FGF12: variants seen among roughly 807,000 people sequenced by gnomAD.
FGF12 encodes the protein fibroblast growth factor 12.
Under a neutral mutation model 23.6 loss-of-function variants are expected in FGF12, and 14 were observed. That is an observed-to-expected ratio of 0.59 (90% CI 0.39 to 0.93). FGF12 has a LOEUF of 0.93. Among genes scored for constraint, FGF12 ranks in the 40% least tolerant of loss-of-function variants. The probability of loss-of-function intolerance (pLI) is 0.00; values close to 1 mark genes in which losing one functional copy is unlikely to be tolerated. For missense variants in FGF12, 175 were observed against 217.8 expected, an observed-to-expected ratio of 0.80 and a Z score of 1.24; for synonymous variants, 62 against 77.3, an observed-to-expected ratio of 0.80 and a Z score of 1.04.
chr3:192,571,503 G>A (rs530408406), intron 2 of FGF12, among the ~76,000 whole-genome samples: 2 of 152,352 alleles, frequency 1.3e-5, no homozygotes, highest in Admixed American at 1.3e-4. Flanking sequence ...GTGCCACGGG[G>A]CGGACGGGAC....
chr3:192,418,621 T>G (rs1721427112), intron 2 of FGF12, among the ~76,000 whole-genome samples: 1 of 152,072 alleles, frequency 6.6e-6, no homozygotes, highest in East Asian at 1.9e-4. Flanking sequence ...AGGCGCCAGG[T>G]TGGAGGTGAT....
intron 4 of FGF12, among the ~76,000 whole-genome samples, chr3:192,226,452 C>T (rs887412962): frequency 1.3e-5 from 2 of 152,060 alleles, no homozygotes; most frequent in African/African-American, 4.8e-5. Context: ...GTTGCAAAGA[C>T]AACATAAAAT....
intron 4 of FGF12, among the ~76,000 whole-genome samples, chr3:192,276,316 A>T (rs1713782410): frequency 6.6e-6 from 1 of 152,172 alleles, no homozygotes; most frequent in African/African-American, 2.4e-5. Context: ...AACAACCTAG[A>T]TGAAGTCTAG....
At chr3:192,694,876 T>C (rs186659028) in intron 2 of FGF12, among the ~76,000 whole-genome samples, 1 of 151,680 alleles carries the variant, frequency 6.6e-6, no homozygotes, top group East Asian at 1.9e-4. Flanking sequence ...AGTTGGAAGG[T>C]GGGGAGAAAT....
intron 2 of FGF12, among the ~76,000 whole-genome samples, chr3:192,410,276 C>A (rs934023152): frequency 6.6e-6 from 1 of 152,148 alleles, no homozygotes; most frequent in Admixed American, 6.5e-5. Context: ...CCTCCCGCCA[C>A]CCCTCTCCCT....
intron 4 of FGF12, among the ~76,000 whole-genome samples, chr3:192,266,825 T>C (rs879372117): frequency 5.4e-5 from 8 of 148,124 alleles, no homozygotes; most frequent in Admixed American, 2.0e-4. Context: ...CACACACACA[T>C]ACACTACCTC....
chr3:192,484,719 C>T (rs1196608378), intron 2 of FGF12, among the ~76,000 whole-genome samples: 1 of 152,182 alleles, frequency 6.6e-6, no homozygotes, highest in African/African-American at 2.4e-5. Context: ...GACAGGCCCA[C>T]ATTGCACAGG....
Position 192,167,770 on chromosome 3 carries a change from AAATT to A in FGF12, c.427+2684_427+2687del, listed in dbSNP as rs1175502685. Among the ~76,000 whole-genome samples the A allele has an allele frequency of 3.3e-4, 3 of 9,106 alleles. 1 individual carries two copies. Among genetic ancestry groups the A allele is most frequent in the African/African-American group, 1.1e-3 (3 of 2,686 alleles). 6.0% of individuals were successfully genotyped at this position (9,106 alleles called of 152,430 possible). ...ATATATATATATATATATATATATA[AAATT>A]TTTTTTTTTTTTTTTTTTTGAGAAA... is the stretch of plus-strand genomic sequence containing the variant. On this transcript the variant is annotated intron_variant, in intron 5 of 5. Transcript: ENST00000445105.
intron 2 of FGF12, among the ~76,000 whole-genome samples, chr3:192,550,209 A>T (rs1389766247): frequency 7.2e-6 from 1 of 138,428 alleles, no homozygotes; most frequent in East Asian, 2.0e-4. Context: ...TGTATCAGAG[A>T]CCATACACAT....
chr3:192,522,013 A>G (rs1172625764), intron 2 of FGF12, among the ~76,000 whole-genome samples: 2 of 152,164 alleles, frequency 1.3e-5, no homozygotes, highest in East Asian at 1.9e-4. Flanking sequence ...CCTGGCTAAC[A>G]CAGTGAAACC....
At chr3:192,379,575 C>T (rs76657173) in intron 2 of FGF12, among the ~76,000 whole-genome samples, 4,046 of 152,250 alleles carry the variant, frequency 0.027, 74 homozygotes, top group Middle Eastern at 0.061. Context: ...ATAATATTTA[C>T]AAAGTGGCTA....
At chr3:192,208,706 C>T (rs1717778206) in intron 4 of FGF12, among the ~76,000 whole-genome samples, 1 of 152,050 alleles carries the variant, frequency 6.6e-6, no homozygotes, top group Non-Finnish European at 1.5e-5. Flanking sequence ...TGTTGGGAAC[C>T]CTCTTTGAGG....
chr3:192,473,010 T>C (rs1309452536), intron 2 of FGF12, among the ~76,000 whole-genome samples: 2 of 152,204 alleles, frequency 1.3e-5, no homozygotes, highest in Non-Finnish European at 2.9e-5. Context: ...GATTTAGCCA[T>C]TTTCTCTTTA....
At chr3:192,359,816 C>T (rs1270525493) in intron 3 of FGF12, among the ~76,000 whole-genome samples, 2 of 151,274 alleles carry the variant, frequency 1.3e-5, no homozygotes, top group Non-Finnish European at 2.9e-5. Context: ...TTTTAAATTC[C>T]ATTTCAGGTC....
At chr3:192,332,384 C>T (rs1426411564) in intron 4 of FGF12, among the ~76,000 whole-genome samples, 1 of 151,376 alleles carries the variant, frequency 6.6e-6, no homozygotes, top group Non-Finnish European at 1.5e-5. Flanking sequence ...GTGAATAAAG[C>T]AACAGAATTT....
At chr3:192,400,369 C>CTTTTTTT (rs5855423) in intron 2 of FGF12, among the ~76,000 whole-genome samples, 9 of 130,766 alleles carry the variant, frequency 6.9e-5, no homozygotes, top group African/African-American at 1.1e-4. Flanking sequence ...ACATTCTTTT[C>CTTTTTTT]TTTTTTTTTT....
intron 2 of FGF12, among the ~76,000 whole-genome samples, chr3:192,704,414 G>A (rs562165889): frequency 4.6e-5 from 7 of 152,260 alleles, no homozygotes; most frequent in Non-Finnish European, 1.0e-4. Context: ...CATTGTAAAT[G>A]TGCAGTAATA....
chr3:192,180,789 G>T (rs1716129167), intron 4 of FGF12, among the ~76,000 whole-genome samples: 1 of 152,136 alleles, frequency 6.6e-6, no homozygotes, highest in Non-Finnish European at 1.5e-5. Flanking sequence ...AGTATATGAG[G>T]TAGAAGTTTC....
At chr3:192,660,525 AAG>A (rs1375355153) in intron 2 of FGF12, among the ~76,000 whole-genome samples, 1 of 152,008 alleles carries the variant, frequency 6.6e-6, no homozygotes, top group African/African-American at 2.4e-5. Context: ...AAAAAAAAGA[AAG>A]AAATTCCAAG....
Sources: gnomAD v4.1 joint callset for allele counts (sites outside exome capture counted in the v4.1 genomes callset) on GRCh38, gnomAD v4.1.1 for gene constraint, MANE v1.5 for transcripts, NCBI Gene and HGNC (gene_info 2026-07-23, HGNC 2026-07-21) for gene names.